HNF1B: variants seen among roughly 807,000 people sequenced by gnomAD.
The protein encoded by HNF1B is HNF1 homeobox B, also known as hepatocyte nuclear factor 1-beta.
Under a neutral mutation model 61.7 loss-of-function variants are expected in HNF1B, and 8 were observed. The observed-to-expected ratio is 0.13, with a 90% CI of 0.08 to 0.23. The LOEUF (loss-of-function observed/expected upper bound fraction) is 0.23, where lower values mean the gene tolerates loss of function less well. HNF1B is among the 10% of genes least tolerant of loss of function. The probability of loss-of-function intolerance (pLI) is 1.00; values close to 1 mark genes in which losing one functional copy is unlikely to be tolerated. For missense variants in HNF1B, 562 were observed against 714.5 expected, an observed-to-expected ratio of 0.79 and a Z score of 2.43; for synonymous variants, 314 against 287.7, an observed-to-expected ratio of 1.09 and a Z score of -0.93.
At chr17:37,727,382 C>A (rs2033534913) in intron 4 of HNF1B, among the ~76,000 whole-genome samples, 1 of 152,140 alleles carries the variant, frequency 6.6e-6, no homozygotes, top group South Asian at 2.1e-4. Context: ...CTGCAGCCTG[C>A]TACAGTAACT....
At chr17:37,717,232 G>A (rs1258382585) in intron 4 of HNF1B, among the ~76,000 whole-genome samples, 1 of 152,044 alleles carries the variant, frequency 6.6e-6, no homozygotes, top group Non-Finnish European at 1.5e-5. Flanking sequence ...TTTCACCCTT[G>A]ACATTTCAGA....
intron 7 of HNF1B, 67 bp downstream of exon 7, chr17:37,700,916 G>C: frequency 2.8e-6 from 4 of 1,428,596 alleles, no homozygotes; most frequent in Non-Finnish European, 3.8e-6. Flanking sequence ...TTCAGACCCA[G>C]AGAGGGAAAG....
At chr17:37,711,315 G>A (rs772545075) in intron 4 of HNF1B, among the ~76,000 whole-genome samples, 5 of 152,186 alleles carry the variant, frequency 3.3e-5, no homozygotes, top group Non-Finnish European at 5.9e-5. Context: ...CTTTGCTGGG[G>A]GTCCCATTTG....
At chr17:37,721,074 A>C in intron 4 of HNF1B, 1 of 419,360 alleles carries the variant, frequency 2.4e-6, no homozygotes, top group Non-Finnish European at 3.2e-6. Context: ...ACCCAGTCCA[A>C]TGGGTGCCAA....
intron 4 of HNF1B, among the ~76,000 whole-genome samples, chr17:37,727,472 G>T (rs543992425): frequency 6.6e-6 from 1 of 152,314 alleles, no homozygotes; most frequent in Admixed American, 6.5e-5. Flanking sequence ...CGGCAGCCAG[G>T]CTGGTTCAAA....
intron 8 of HNF1B, among the ~76,000 whole-genome samples, chr17:37,696,170 C>A (rs1453629117): frequency 6.6e-6 from 1 of 152,060 alleles, no homozygotes; most frequent in African/African-American, 2.4e-5. Context: ...TAGGGCTAGG[C>A]ATGGTGGCTC....
In HNF1B at chr17:37,713,872, T is replaced by C. The variant is rs529789861; in HGVS notation, c.1046-3209A>G. The stretch of plus-strand genomic sequence containing the variant: ...GGTGGCTGTAATCAGCCAGCCATCT[T>C]ATGAGGGGGCGGGGTGGGGGCGCAT... On this transcript the variant is annotated intron_variant, in intron 4 of 8. Coordinates refer to ENST00000617811, the MANE Select transcript of HNF1B (RefSeq NM_000458.4). Among the ~76,000 whole-genome samples the C allele has an allele frequency of 9.0e-4, 137 of 152,264 alleles. 2 individuals are homozygous for C. The highest frequency in any genetic ancestry group is 2.9e-4 in the Non-Finnish European group (20 of 68,012).
At chr17:37,713,727 A>G (rs1472790083) in intron 4 of HNF1B, among the ~76,000 whole-genome samples, 2 of 152,268 alleles carry the variant, frequency 1.3e-5, no homozygotes, top group East Asian at 1.9e-4. Flanking sequence ...GGAGGGGGCC[A>G]TTGTCACAGC....
At chr17:37,705,134 C>A (rs2032701917) in intron 5 of HNF1B, 85 bp from the exon 6 acceptor site, 1 of 1,328,536 alleles carries the variant, frequency 7.5e-7, no homozygotes, top group Non-Finnish European at 1.1e-6. Flanking sequence ...TTAGCGATTC[C>A]TTGGCATGAC....
At chr17:37,742,489 C>T (rs1262657888) in intron 1 of HNF1B, among the ~76,000 whole-genome samples, 1 of 152,162 alleles carries the variant, frequency 6.6e-6, no homozygotes, top group African/African-American at 2.4e-5. Flanking sequence ...CTTGGGAGCC[C>T]CCTGTGCAGT....
At chr17:37,738,412 C>G (rs550945470) in intron 2 of HNF1B, among the ~76,000 whole-genome samples, 1 of 152,048 alleles carries the variant, frequency 6.6e-6, no homozygotes, top group Non-Finnish European at 1.5e-5. Flanking sequence ...TAACAGAAGA[C>G]AAGAGTCATT....
At chr17:37,723,480 C>T (rs756716154) in intron 4 of HNF1B, among the ~76,000 whole-genome samples, 8 of 152,236 alleles carry the variant, frequency 5.3e-5, no homozygotes, top group Non-Finnish European at 1.2e-4. Context: ...TCTGCCCCCA[C>T]CAATCCATGG....
At chr17:37,719,486 G>A (rs2033235817) in intron 4 of HNF1B, among the ~76,000 whole-genome samples, 1 of 152,230 alleles carries the variant, frequency 6.6e-6, no homozygotes, top group Non-Finnish European at 1.5e-5. Flanking sequence ...AGAAACTAGA[G>A]TAAAACTAAG....
chr17:37,735,797 G>A, intron 2 of HNF1B, among the ~76,000 whole-genome samples: 1 of 152,088 alleles, frequency 6.6e-6, no homozygotes, highest in South Asian at 2.1e-4. Flanking sequence ...CTTGCTCTGT[G>A]ACCCAGGCTG....
At chr17:37,700,587 A>G (rs1568637833) in intron 7 of HNF1B, among the ~76,000 whole-genome samples, 1 of 152,222 alleles carries the variant, frequency 6.6e-6, no homozygotes, top group African/African-American at 2.4e-5. Flanking sequence ...TCATTTGATA[A>G]TGGCTGCTTG....
intron 8 of HNF1B, among the ~76,000 whole-genome samples, chr17:37,687,677 C>T (rs973516639): frequency 6.6e-6 from 1 of 152,186 alleles, no homozygotes; most frequent in Admixed American, 6.5e-5. Context: ...TGAAGCTGGG[C>T]TCCTCTTTCT....
intron 4 of HNF1B, among the ~76,000 whole-genome samples, chr17:37,725,135 T>A (rs2033455855): frequency 6.6e-6 from 1 of 152,216 alleles, no homozygotes; most frequent in African/African-American, 2.4e-5. Flanking sequence ...CAAGTTCCTG[T>A]CGCTTCTCAT....
intron 4 of HNF1B, among the ~76,000 whole-genome samples, chr17:37,719,000 C>G (rs188421969): frequency 4.5e-4 from 69 of 152,258 alleles, no homozygotes; most frequent in African/African-American, 1.6e-3. Flanking sequence ...TGTGGTGGTG[C>G]AATCACAGCT....
chr17:37,731,116 G>A (rs550945507), intron 4 of HNF1B: 44 of 202,738 alleles, frequency 2.2e-4, no homozygotes, highest in African/African-American at 8.2e-4. Context: ...CAGAGTGGCC[G>A]TCCCCAAAGG....
Sources: allele counts gnomAD v4.1 joint callset (sites outside exome capture counted in the v4.1 genomes callset), GRCh38; gene constraint gnomAD v4.1.1; transcripts MANE v1.5; gene names NCBI Gene and HGNC (gene_info 2026-07-23, HGNC 2026-07-21).